Variants in SEMA6D observed in about 807,000 individuals in gnomAD.
SEMA6D encodes the protein semaphorin-6D.
SEMA6D carries 35 observed loss-of-function variants against 106.6 expected under a neutral mutation model. The observed-to-expected ratio is 0.33, with a 90% CI of 0.25 to 0.44. SEMA6D has a LOEUF of 0.44. Ranked by LOEUF, SEMA6D falls within the 20% of genes least tolerant of loss-of-function variation. The pLI is 1.00. For synonymous variants in SEMA6D, 499 were observed against 487.7 expected (o/e 1.02, Z -0.31); for missense variants, 1,185 against 1,345.9 (o/e 0.88, Z 1.87).
chr15:47,344,338 C>G (rs1279287674), intron 1 of SEMA6D, among the ~76,000 whole-genome samples: 1 of 152,106 alleles, frequency 6.6e-6, no homozygotes, highest in Admixed American at 6.6e-5. Context: ...TAGATTTACA[C>G]TCCTGTGTGA....
At chr15:47,668,628 G>A (rs1334038323) in intron 4 of SEMA6D, among the ~76,000 whole-genome samples, 1 of 152,182 alleles carries the variant, frequency 6.6e-6, no homozygotes, top group Non-Finnish European at 1.5e-5. Context: ...TGGAAAGGAA[G>A]AGTCTCTTCC....
chr15:47,575,477 T>G (rs2076140649), intron 3 of SEMA6D, among the ~76,000 whole-genome samples: 2 of 152,016 alleles, frequency 1.3e-5, no homozygotes, highest in African/African-American at 4.8e-5. Context: ...CCCAGCACTT[T>G]GGGAGGGTGA....
intron 1 of SEMA6D, among the ~76,000 whole-genome samples, chr15:47,403,041 G>A (rs542425685): frequency 6.6e-6 from 1 of 152,272 alleles, no homozygotes; most frequent in South Asian, 2.1e-4. Flanking sequence ...TGCATTCTGG[G>A]CTAGTCCAGA....
At chr15:47,621,544 C>T (rs1248625562) in intron 4 of SEMA6D, among the ~76,000 whole-genome samples, 3 of 152,052 alleles carry the variant, frequency 2.0e-5, no homozygotes, top group Non-Finnish European at 4.4e-5. Context: ...TTTCCGGGGT[C>T]CCCAGAGTGC....
chr15:47,222,482 T>C (rs2031296024), intron 1 of SEMA6D, among the ~76,000 whole-genome samples: 1 of 152,214 alleles, frequency 6.6e-6, no homozygotes, highest in African/African-American at 2.4e-5. Context: ...CCCAGTGTCC[T>C]GAATCCTATT....
At chr15:47,276,112 A>G (rs1365163639) in intron 1 of SEMA6D, among the ~76,000 whole-genome samples, 2 of 152,272 alleles carry the variant, frequency 1.3e-5, no homozygotes, top group African/African-American at 2.4e-5. Flanking sequence ...AGCTAAGAAG[A>G]AAAGTTTGAA....
chr15:47,517,807 A>T (rs1433568417), intron 3 of SEMA6D, among the ~76,000 whole-genome samples: 1 of 152,200 alleles, frequency 6.6e-6, no homozygotes, highest in Non-Finnish European at 1.5e-5. Flanking sequence ...TCTACCCTTA[A>T]CAAGTAATGA....
In SEMA6D at chr15:47,210,764, C is replaced by CAAA. The variant is rs34743184; in HGVS notation, c.-239+26368_-239+26370dup. Reference sequence around the variant, plus strand: ...TGGGCGACAGAGGGAGACTCCGTCTCAAAAAAAAAAAAAAAAAAAAAAAAT... The same window carrying CAAA: ...TGGGCGACAGAGGGAGACTCCGTCTCAAAAAAAAAAAAAAAAAAAAAAAAAAAT... On this transcript the variant is annotated intron_variant, in intron 1 of 19. Coordinates refer to the SEMA6D transcript ENST00000558014. Among the ~76,000 whole-genome samples the CAAA allele has an allele frequency of 1.6e-3, 97 of 62,212 alleles. 1 individual carries two copies. Among genetic ancestry groups the CAAA allele is most frequent in the East Asian group, 2.6e-3 (6 of 2,352 alleles). The allele number at this position is 62,212 out of a possible 152,430, so 40.8% of individuals were successfully genotyped here.
chr15:47,552,502 ATG>A (rs200725273), intron 3 of SEMA6D, among the ~76,000 whole-genome samples: 8 of 123,532 alleles, frequency 6.5e-5, no homozygotes, highest in East Asian at 2.7e-4. Context: ...GTGTATATAT[ATG>A]TGTGTGTGTA....
chr15:47,338,502 C>G (rs770191432), intron 1 of SEMA6D, among the ~76,000 whole-genome samples: 3 of 152,006 alleles, frequency 2.0e-5, no homozygotes, highest in Non-Finnish European at 4.4e-5. Context: ...TATACACCTA[C>G]TATGTACCCA....
At chr15:47,736,953 T>A (rs1404225242) in intron 1 of SEMA6D, among the ~76,000 whole-genome samples, 1 of 152,190 alleles carries the variant, frequency 6.6e-6, no homozygotes, top group African/African-American at 2.4e-5. Context: ...CGGCGGTGAT[T>A]TTGAATTGGC....
intron 1 of SEMA6D, among the ~76,000 whole-genome samples, chr15:47,383,793 A>G (rs895372790): frequency 2.6e-5 from 4 of 152,222 alleles, no homozygotes; most frequent in African/African-American, 9.6e-5. Flanking sequence ...ACTGGCACTC[A>G]GACTCTGCTA....
chr15:47,754,250 C>A (rs1029086428), intron 1 of SEMA6D, among the ~76,000 whole-genome samples: 20 of 152,240 alleles, frequency 1.3e-4, no homozygotes, highest in Admixed American at 2.6e-4. Flanking sequence ...AATAAATTTT[C>A]TTTTAAAGTT....
chr15:47,768,698 A>T lies in SEMA6D; in HGVS notation c.1883A>T (p.Asp628Val), dbSNP rs746881713. The stretch of plus-strand genomic sequence containing the variant: ...AGCTCTCGGAAATTTGTAGTTCAAG[A>T]TGATCCAAACACTTCTGATTTTACT... ...LTSSRKFVVQDDPNTSDFTDP... is the reference protein window; with the variant it reads ...LTSSRKFVVQVDPNTSDFTDP... The change falls in exon 18 of 19, where the codon GAT (aspartate) becomes GTT (valine). Residue 628 changes from aspartate to valine, a missense_variant. Coordinates refer to ENST00000536845, the MANE Select transcript of SEMA6D (RefSeq NM_001358351.3). The T allele has an allele frequency of 7.4e-6, 12 of 1,613,540 alleles. No individual in the cohort carries two copies. Among genetic ancestry groups the T allele is most frequent in the Non-Finnish European group, 1.0e-5 (12 of 1,179,662 alleles).
chr15:47,507,849 A>G (rs2044099556), intron 3 of SEMA6D, among the ~76,000 whole-genome samples: 1 of 152,228 alleles, frequency 6.6e-6, no homozygotes, highest in South Asian at 2.1e-4. Context: ...GGGCCCCTGC[A>G]TATGCTAAAG....
At chr15:47,415,143 T>G (rs73405060) in intron 2 of SEMA6D, among the ~76,000 whole-genome samples, 1,530 of 152,274 alleles carry the variant, frequency 0.01, 35 homozygotes, top group African/African-American at 0.035. Flanking sequence ...TGGTCTGTGT[T>G]TTTACATTGA....
At chr15:47,672,713 G>A (rs1172047930) in intron 4 of SEMA6D, among the ~76,000 whole-genome samples, 1 of 151,930 alleles carries the variant, frequency 6.6e-6, no homozygotes, top group Admixed American at 6.6e-5. Context: ...TTCAATAATG[G>A]TAATTATATA....
chr15:47,630,528 C>A (rs1297908735), intron 4 of SEMA6D, among the ~76,000 whole-genome samples: 1 of 151,642 alleles, frequency 6.6e-6, no homozygotes, highest in Non-Finnish European at 1.5e-5. Context: ...AAGACAATTA[C>A]ATCATCTGTA....
At chr15:47,734,982 C>T (rs1303939320) in intron 1 of SEMA6D, among the ~76,000 whole-genome samples, 1 of 151,960 alleles carries the variant, frequency 6.6e-6, no homozygotes, top group Non-Finnish European at 1.5e-5. Context: ...TGGATCTGTC[C>T]TTTTGTTTCT....
Sources: gnomAD v4.1 joint callset for allele counts (sites outside exome capture counted in the v4.1 genomes callset) on GRCh38, gnomAD v4.1.1 for gene constraint, MANE v1.5 for transcripts, NCBI Gene and HGNC (gene_info 2026-07-23, HGNC 2026-07-21) for gene names.